The following FGF13 variants were observed in gnomAD, a reference collection of about 807,000 sequenced individuals.
FGF13 encodes fibroblast growth factor 13.
FGF13 carries 2 observed loss-of-function variants against 19.5 expected under a neutral mutation model. That is an observed-to-expected ratio of 0.10 (90% CI 0.04 to 0.32). The LOEUF is 0.32. Among genes scored for constraint, FGF13 ranks in the 10% least tolerant of loss-of-function variants. The probability of loss-of-function intolerance (pLI) is 1.00; values close to 1 mark genes in which losing one functional copy is unlikely to be tolerated. For synonymous variants in FGF13, 72 were observed against 76.9 expected (o/e 0.94, Z 0.33); for missense variants, 113 against 192.7 (o/e 0.59, Z 2.45).
Position 138,631,133 on chromosome X carries a change from A to G in FGF13, c.*1717T>C, listed in dbSNP as rs2089111333. 1 of 112,297 alleles carries G rather than the reference A, an allele frequency of 8.9e-6. No individual in the cohort carries two copies. Among genetic ancestry groups the G allele is most frequent in the African/African-American group, 3.2e-5 (1 of 30,873 alleles). The allele number at this position is 112,297 out of a possible 1,213,427, so 9.3% of individuals were successfully genotyped here. ...GAGACCATCTGTATTGACTGTTCTC[A>G]AAGTGTTCATTGCCAGACAATGCAG... is the stretch of plus-strand genomic sequence containing the variant. On this transcript the variant is annotated 3_prime_UTR_variant, in exon 5 of 5. Coordinates refer to ENST00000315930, the MANE Select transcript of FGF13 (RefSeq NM_004114.5).
chrX:138,882,718 C>A (rs953329375), intron 1 of FGF13, among the ~76,000 whole-genome samples: 5 of 111,655 alleles, frequency 4.5e-5, no homozygotes, highest in African/African-American at 1.6e-4. Flanking sequence ...GTGCAGTAGA[C>A]CAGTGATTCC....
chrX:138,791,846 C>T (rs965003828), intron 3 of FGF13, among the ~76,000 whole-genome samples: 1 of 111,769 alleles, frequency 8.9e-6, no homozygotes, highest in East Asian at 2.8e-4. Context: ...TTAAAATCTA[C>T]GAATTTTGAC....
At chrX:139,134,625 C>T (rs763934765) in intron 1 of FGF13, among the ~76,000 whole-genome samples, 2 of 111,517 alleles carry the variant, frequency 1.8e-5, no homozygotes, top group African/African-American at 6.5e-5. Context: ...TATTGGAGCC[C>T]GATACACAAC....
intron 1 of FGF13, among the ~76,000 whole-genome samples, chrX:138,960,318 ATTCTT>A (rs1050948758): frequency 1.8e-5 from 2 of 111,738 alleles, no homozygotes; most frequent in African/African-American, 6.5e-5. Flanking sequence ...TGGGTTGAAA[ATTCTT>A]TTCTTTAAGA....
Position 138,711,476 on chromosome X carries a change from C to G in FGF13, c.-473G>C. ...GAGAGAGGCCGGGAGCTCGGGCGGC[C>G]GGACGGAGGAGGGACGAGGCAGCGC... is the stretch of plus-strand genomic sequence containing the variant. On this transcript the variant is annotated 5_prime_UTR_variant, in exon 1 of 5. Coordinates refer to ENST00000315930, the MANE Select transcript of FGF13 (RefSeq NM_004114.5). 1 of 734,978 alleles carries G rather than the reference C, an allele frequency of 1.4e-6. No homozygotes were observed. The highest frequency in any genetic ancestry group is 1.6e-6 in the Non-Finnish European group (1 of 620,551). 60.6% of individuals were successfully genotyped at this position (734,978 alleles called of 1,213,427 possible). A position where few individuals can be genotyped will look rare whatever the true frequency, so the allele number is the denominator to read the frequency against.
intron 2 of FGF13, among the ~76,000 whole-genome samples, chrX:138,859,858 T>C (rs2091279321): frequency 8.9e-6 from 1 of 112,125 alleles, no homozygotes; most frequent in African/African-American, 3.2e-5. Context: ...TTTTGTTCTT[T>C]CTTCAAATTG....
At position 139,033,907 on chromosome X, in the gene FGF13, T is replaced by C. The variant is rs765184505; in HGVS notation, c.-112-169257A>G. ...TTTCTCTCCATTGCTACATGTCTTA[T>C]TATAATCTCTAACATAATATCTGAA... On this transcript the variant is annotated intron_variant, in intron 1 of 2. Coordinates refer to the FGF13 transcript ENST00000421460. Among the ~76,000 whole-genome samples, 5 of 111,801 alleles carry C rather than the reference T, an allele frequency of 4.5e-5. No individual in the cohort carries two copies. In the South Asian group the frequency reaches 1.5e-3, roughly 34 times the overall value.
At chrX:138,713,211 C>G (rs1011933300), upstream of FGF13, among the ~76,000 whole-genome samples, 1 of 112,368 alleles carries the variant, frequency 8.9e-6, no homozygotes, top group Non-Finnish European at 1.9e-5. Flanking sequence ...AGTTTTAACA[C>G]CTCAAGTCTA....
At chrX:138,827,334 G>A (rs1234058890) in intron 3 of FGF13, among the ~76,000 whole-genome samples, 1 of 111,613 alleles carries the variant, frequency 9.0e-6, no homozygotes, top group East Asian at 2.8e-4. Flanking sequence ...GAGCTTTCAT[G>A]GGGGGAGGCA....
intron 1 of FGF13, among the ~76,000 whole-genome samples, chrX:138,916,299 C>T: frequency 9.0e-6 from 1 of 111,627 alleles, no homozygotes; most frequent in Non-Finnish European, 1.9e-5. Context: ...ATACGGACTC[C>T]TGTTATATTT....
intron 1 of FGF13, among the ~76,000 whole-genome samples, chrX:138,915,974 A>G (rs942818796): frequency 3.0e-4 from 34 of 112,047 alleles, no homozygotes; most frequent in African/African-American, 1.0e-3. Flanking sequence ...TAGCAAATAA[A>G]TTATATAAAT....
intron 1 of FGF13, among the ~76,000 whole-genome samples, chrX:139,159,279 G>T (rs6418806): frequency 0.12 from 13,159 of 111,500 alleles, 1,295 homozygotes; most frequent in African/African-American, 0.33. Flanking sequence ...GCCAAATGCT[G>T]AGAGATTTTG....
intron 3 of FGF13, among the ~76,000 whole-genome samples, chrX:138,656,836 A>G (rs978950191): frequency 1.8e-5 from 2 of 111,933 alleles, no homozygotes; most frequent in Non-Finnish European, 3.8e-5. Context: ...AACAGACACA[A>G]TGTCCAAAAA....
intron 1 of FGF13, among the ~76,000 whole-genome samples, chrX:139,091,227 C>T (rs1192372205): frequency 5.4e-5 from 6 of 111,088 alleles, no homozygotes; most frequent in Non-Finnish European, 1.1e-4. Flanking sequence ...GAAAAGCAAA[C>T]TTGGCAAACC....
At chrX:138,909,001 A>G (rs1172266688) in intron 1 of FGF13, among the ~76,000 whole-genome samples, 1 of 112,048 alleles carries the variant, frequency 8.9e-6, no homozygotes, top group African/African-American at 3.2e-5. Context: ...CCATTTTATG[A>G]ATGCTGAAAC....
At chrX:138,709,980 A>G (rs1041236481) in intron 1 of FGF13, among the ~76,000 whole-genome samples, 1 of 111,496 alleles carries the variant, frequency 9.0e-6, no homozygotes, top group Non-Finnish European at 1.9e-5. Flanking sequence ...AGTAAAAGGC[A>G]GAAAAGAGTG....
At chrX:138,742,216 A>G (rs1440755655), upstream of FGF13, among the ~76,000 whole-genome samples, 1 of 112,207 alleles carries the variant, frequency 8.9e-6, no homozygotes, top group Non-Finnish European at 1.9e-5. Flanking sequence ...GCTAGAGGGC[A>G]AGAACCACAT....
chrX:138,913,182 C>CTTTTTTTTTTTTTTTTTTTTTT (rs35078012), intron 1 of FGF13, among the ~76,000 whole-genome samples: 2 of 37,094 alleles, frequency 5.4e-5, no homozygotes, highest in African/African-American at 2.5e-4. Flanking sequence ...AAAGCATCTA[C>CTTTTTTTTTTTTTTTTTTTTTT]TTTTTTTTTT....
At chrX:138,790,262 T>C (rs140121963) in intron 3 of FGF13, among the ~76,000 whole-genome samples, 3 of 107,386 alleles carry the variant, frequency 2.8e-5, no homozygotes, top group Non-Finnish European at 5.8e-5. Context: ...ACTAGCTATC[T>C]CTCTAGCCTC....
Sources: allele counts gnomAD v4.1 joint callset (sites outside exome capture counted in the v4.1 genomes callset), GRCh38; gene constraint gnomAD v4.1.1; transcripts MANE v1.5; gene names NCBI Gene and HGNC (gene_info 2026-07-23, HGNC 2026-07-21).